PPARG: variants seen among roughly 807,000 people sequenced by gnomAD.
PPARG encodes the protein peroxisome proliferator activated receptor gamma.
In PPARG, 17 loss-of-function variants were observed where a neutral mutation model predicts 39.2. The observed-to-expected ratio is 0.43, with a 90% CI of 0.30 to 0.65. The LOEUF is 0.65. Ranked by LOEUF, PPARG falls within the 30% of genes least tolerant of loss-of-function variation. The pLI is 0.13. For synonymous variants in PPARG, 223 were observed against 215.7 expected (o/e 1.03, Z -0.30); for missense variants, 406 against 585.9 (o/e 0.69, Z 3.17).
chr3:12,386,520 C>CTT (rs78118200), intron 4 of PPARG, among the ~76,000 whole-genome samples: 1 of 143,644 alleles, frequency 7.0e-6, no homozygotes. Context: ...ACTTAATTCT[C>CTT]TTTTTTTTTT....
intron 7 of PPARG, 94 bp downstream of exon 7, chr3:12,417,248 G>A: frequency 8.2e-7 from 1 of 1,219,066 alleles, no homozygotes; most frequent in Non-Finnish European, 1.2e-6. Flanking sequence ...AGTCTGCATT[G>A]TCACTTTAAG....
intron 7 of PPARG, among the ~76,000 whole-genome samples, chr3:12,417,758 C>G (rs1450408289): frequency 4.6e-5 from 7 of 152,060 alleles, no homozygotes; most frequent in Non-Finnish European, 2.9e-5. Flanking sequence ...GAACCGAACA[C>G]ACAACATAGA....
At chr3:12,294,011 G>C (rs2046716227) in intron 1 of PPARG, among the ~76,000 whole-genome samples, 1 of 152,202 alleles carries the variant, frequency 6.6e-6, no homozygotes, top group African/African-American at 2.4e-5. Context: ...GGCAGGGTTA[G>C]TTCACTAAAC....
At chr3:12,380,043 TTC>T (rs2049585668) in intron 3 of PPARG, 112 bp downstream of exon 3, 1 of 946,498 alleles carries the variant, frequency 1.1e-6, no homozygotes, top group Admixed American at 1.9e-5. Flanking sequence ...AGAGAAGGCA[TTC>T]ACCATTCATT....
chr3:12,296,578 G>A (rs2046792333), intron 1 of PPARG, among the ~76,000 whole-genome samples: 2 of 152,096 alleles, frequency 1.3e-5, no homozygotes, highest in Admixed American at 6.5e-5. Context: ...TCCACTCATA[G>A]GATCTCTTGG....
At chr3:12,308,135 C>G (rs796783261) in intron 1 of PPARG, among the ~76,000 whole-genome samples, 25 of 151,884 alleles carry the variant, frequency 1.6e-4, no homozygotes, top group African/African-American at 5.3e-4. Context: ...GAGGCCAAGG[C>G]GGGTTAGAGA....
intron 2 of PPARG, among the ~76,000 whole-genome samples, chr3:12,368,726 G>A (rs2049108153): frequency 1.3e-5 from 2 of 152,132 alleles, no homozygotes; most frequent in Admixed American, 6.6e-5. Flanking sequence ...CTGCTGATGG[G>A]TTCCAGAGTC....
At chr3:12,393,774 A>G (rs2050161552) in intron 5 of PPARG, among the ~76,000 whole-genome samples, 1 of 152,090 alleles carries the variant, frequency 6.6e-6, no homozygotes, top group African/African-American at 2.4e-5. Context: ...GAGAAAATTA[A>G]ATTTTTGCTC....
At chr3:12,307,097 CAAAAAAA>C (rs11323214) in intron 1 of PPARG, among the ~76,000 whole-genome samples, 1 of 83,902 alleles carries the variant, frequency 1.2e-5, no homozygotes, top group African/African-American at 4.6e-5. Context: ...GACTCCGTCT[CAAAAAAA>C]AAAAAAAAAA....
chr3:12,341,182 CA>C (rs11321700), intron 2 of PPARG, among the ~76,000 whole-genome samples: 108,891 of 140,674 alleles, frequency 0.77, 42,042 homozygotes, highest in African/African-American at 0.91. Flanking sequence ...GACTCCGTCT[CA>C]AAAAAAAAAA....
intron 7 of PPARG, among the ~76,000 whole-genome samples, chr3:12,429,552 C>CAA (rs753288907): frequency 4.7e-4 from 47 of 99,560 alleles, no homozygotes; most frequent in Non-Finnish European, 6.4e-4. Context: ...CTGTCTCTAC[C>CAA]AAAAAAAAAA....
intron 6 of PPARG, among the ~76,000 whole-genome samples, chr3:12,411,904 A>G (rs113989288): frequency 9.7e-4 from 148 of 152,316 alleles, no homozygotes; most frequent in Non-Finnish European, 1.9e-3. Flanking sequence ...AGGAAACAAA[A>G]TGAAGAACAT....
intron 1 of PPARG, among the ~76,000 whole-genome samples, chr3:12,294,234 A>G (rs986277516): frequency 2.6e-5 from 4 of 152,242 alleles, no homozygotes; most frequent in South Asian, 2.1e-4. Context: ...AGGAAAAGAT[A>G]TATTTACCCA....
chr3:12,417,877 C>CTTTTTTTTTCTTT (rs2051116625), intron 7 of PPARG, among the ~76,000 whole-genome samples: 10 of 64,644 alleles, frequency 1.5e-4, no homozygotes, highest in African/African-American at 4.7e-4. Flanking sequence ...TGACTTTTTT[C>CTTTTTTTTTCTTT]TTTTTTTTTT....
chr3:12,400,648 T>C (rs2050439410), intron 5 of PPARG, among the ~76,000 whole-genome samples: 1 of 152,252 alleles, frequency 6.6e-6, no homozygotes, highest in Admixed American at 6.5e-5. Flanking sequence ...TTGCTCTGTG[T>C]GACAGGTGCC....
chr3:12,407,169 G>C (rs1055873054), intron 6 of PPARG, among the ~76,000 whole-genome samples: 1 of 151,936 alleles, frequency 6.6e-6, no homozygotes, highest in African/African-American at 2.4e-5. Flanking sequence ...TGTTGTTGTT[G>C]TTGTTGTTTT....
At chr3:12,408,592 G>A (rs1489844977) in intron 6 of PPARG, among the ~76,000 whole-genome samples, 2 of 132,432 alleles carry the variant, frequency 1.5e-5, no homozygotes, top group African/African-American at 6.4e-5. Flanking sequence ...TTTTTGAGGT[G>A]GGGTCTTGCT....
chr3:12,366,530 T>G (rs1348709654), intron 2 of PPARG, among the ~76,000 whole-genome samples: 1 of 152,166 alleles, frequency 6.6e-6, no homozygotes, highest in African/African-American at 2.4e-5. Context: ...CTAATCTTAG[T>G]GGGAAAGCTT....
chr3:12,405,128 A>G (rs2050614126), intron 5 of PPARG, among the ~76,000 whole-genome samples: 1 of 152,238 alleles, frequency 6.6e-6, no homozygotes, highest in Non-Finnish European at 1.5e-5. Flanking sequence ...AACATATCTG[A>G]GTTGAAAAGT....
Sources: gnomAD v4.1 joint callset for allele counts (sites outside exome capture counted in the v4.1 genomes callset) on GRCh38, gnomAD v4.1.1 for gene constraint, MANE v1.5 for transcripts, NCBI Gene and HGNC (gene_info 2026-07-23, HGNC 2026-07-21) for gene names.